CCDC187: variants seen among roughly 807,000 people sequenced by gnomAD.
The protein encoded by CCDC187 is coiled-coil domain-containing protein 187.
A neutral mutation model predicts 38.0 loss-of-function variants in CCDC187; 32 were observed. The ratio of observed to expected loss-of-function variants is 0.84; its 90% confidence interval spans 0.64 to 1.13. CCDC187 has a LOEUF of 1.13. CCDC187 is among the 50% of genes most tolerant of loss of function. CCDC187 has a pLI of 0.00. For synonymous variants in CCDC187, 333 were observed against 347.9 expected (o/e 0.96, Z 0.48); for missense variants, 707 against 786.8 (o/e 0.90, Z 1.21).
At chr9:136,275,119 G>A (rs1311770064) in intron 12 of CCDC187, 112 bp from the exon 13 acceptor site, 2 of 152,270 alleles carry the variant, frequency 1.3e-5, no homozygotes, top group African/African-American at 4.8e-5. Flanking sequence ...GCCTGAAGCT[G>A]GGCAAGTCTC....
chr9:136,285,819 A>G, intron 8 of CCDC187: 1 of 397,080 alleles, frequency 2.5e-6, no homozygotes, highest in Non-Finnish European at 4.4e-6. Context: ...CTGGCCAGAG[A>G]ACAAGACAGG....
chr9:136,260,190 C>T lies in CCDC187; in HGVS notation c.4139G>A (p.Arg1380Lys), dbSNP rs1830664201. The T allele has an allele frequency of 1.0e-6, 1 of 985,468 alleles. No homozygotes were observed. The highest frequency in any genetic ancestry group is 1.7e-5 in the African/African-American group (1 of 57,174). The allele number at this position is 985,468 out of a possible 1,614,324, so 61.0% of individuals were successfully genotyped here. Residue 1380 changes from arginine to lysine, a missense_variant, in exon 20 of 26, where the codon AGG becomes AAG. Arg to Lys is a conservative substitution (Grantham distance 26). Transcript: ENST00000638797. Reference protein sequence around the residue: ...SDADGHQQPPRPAWGEDTHDP... With the variant: ...SDADGHQQPPKPAWGEDTHDP... ...GTGTGTGTCCTCGCCCCATGCTGGC[C>T]TCGGAGGCTGCTGGTGACCATCTGC... is the stretch of plus-strand genomic sequence containing the variant.
At chr9:136,279,603 T>C (rs1831000849) in intron 10 of CCDC187, among the ~76,000 whole-genome samples, 2 of 152,342 alleles carry the variant, frequency 1.3e-5, no homozygotes, top group Admixed American at 6.5e-5. Context: ...AGCCAGCCCC[T>C]GCCCATCCAG....
intron 18 of CCDC187, among the ~76,000 whole-genome samples, chr9:136,263,093 C>T (rs1554761190): frequency 6.6e-6 from 1 of 151,868 alleles, no homozygotes; most frequent in Non-Finnish European, 1.5e-5. Flanking sequence ...TCCACCGCTG[C>T]CCCCACCTGA....
chr9:136,252,738 G>A lies in CCDC187; in HGVS notation c.*856C>T, dbSNP rs771792764. The A allele has an allele frequency of 2.0e-5, 3 of 153,102 alleles. No homozygotes were observed. The highest frequency in any genetic ancestry group is 7.2e-5 in the African/African-American group (3 of 41,466). The allele number at this position is 153,102 out of a possible 1,614,324, so 9.5% of individuals were successfully genotyped here. ...CTGCACCTGGGGGCCTGTGTGGAGA[G>A]AGCTGCTAAGGAGTCACGCAGGACC... On this transcript the variant is annotated 3_prime_UTR_variant, in exon 26 of 26. Coordinates refer to ENST00000638797, the MANE Select transcript of CCDC187 (RefSeq NM_001378188.1).
chr9:136,266,828 A>T (rs1554761683), intron 16 of CCDC187: 1 of 152,070 alleles, frequency 6.6e-6, no homozygotes, highest in Non-Finnish European at 1.5e-5. Flanking sequence ...CTCGCCTGTA[A>T]TCCCAGCACT....
rs1038629830 is a variant in CCDC187 at position 136,303,225 on chromosome 9, T to C, written c.212A>G (p.Asp71Gly). The part of the protein sequence containing the change: ...LRWPGPSQQP[D>G]PPWAAPHVVG... ...CACGTGGGGAGCTGCCCAGGGTGGG[T>C]CTGGCTGCTGGGAGGGCCCGGGCCA... The change falls in exon 2 of 26, where the codon GAC (aspartate) becomes GGC (glycine). Residue 71 changes from aspartate (D) to glycine (G), a missense_variant. Asp to Gly is a moderately conservative substitution (Grantham distance 94, BLOSUM62 -1). Coordinates refer to ENST00000638797, the MANE Select transcript of CCDC187 (RefSeq NM_001378188.1). 9 of 398,334 alleles carry C rather than the reference T, an allele frequency of 2.3e-5. No homozygotes were observed. The highest frequency in any genetic ancestry group is 4.0e-5 in the Non-Finnish European group (9 of 226,048). 24.7% of individuals were successfully genotyped at this position (398,334 alleles called of 1,614,324 possible). A position where few individuals can be genotyped will look rare whatever the true frequency, so the allele number is the denominator to read the frequency against.
chr9:136,279,037 C>T (rs1490163393), intron 10 of CCDC187, among the ~76,000 whole-genome samples: 2 of 152,292 alleles, frequency 1.3e-5, no homozygotes, highest in East Asian at 3.9e-4. Flanking sequence ...CAGTTCTGGT[C>T]TAGGTGTTTA....
At chr9:136,263,863 A>C in intron 17 of CCDC187, 65 bp from the exon 18 acceptor site, 6 of 961,718 alleles carry the variant, frequency 6.2e-6, no homozygotes, top group Non-Finnish European at 7.4e-6. Context: ...AGGCCAACAA[A>C]AGGGAAGGGG....
chr9:136,254,100 C>T lies in CCDC187; in HGVS notation c.5728G>A (p.Gly1910Ser). The T allele has an allele frequency of 2.0e-6, 2 of 985,484 alleles. No homozygotes were observed. The highest frequency in any genetic ancestry group is 2.4e-6 in the Non-Finnish European group (2 of 829,982). The allele number at this position is 985,484 out of a possible 1,614,324, so 61.0% of individuals were successfully genotyped here. A position where few individuals can be genotyped will look rare whatever the true frequency, so the allele number is the denominator to read the frequency against. ...GCATCCCGGGTTCCCTCCTGGTAGCCAGAAGTCTCTCCTCCTTTGCCGAAA... is the reference window on the plus strand; with the variant it reads ...GCATCCCGGGTTCCCTCCTGGTAGCTAGAAGTCTCTCCTCCTTTGCCGAAA... ...ADFGKGGETSGYQEGTRDADP... is the reference protein window; with the variant it reads ...ADFGKGGETSSYQEGTRDADP... Residue 1910 changes from glycine (G) to serine (S), a missense_variant, in exon 26 of 26, where the codon GGC becomes AGC. Coordinates refer to ENST00000638797, the MANE Select transcript of CCDC187 (RefSeq NM_001378188.1).
At chr9:136,274,454 T>G (rs1830892956) in intron 14 of CCDC187, among the ~76,000 whole-genome samples, 1 of 152,238 alleles carries the variant, frequency 6.6e-6, no homozygotes, top group Non-Finnish European at 1.5e-5. Flanking sequence ...GGGCTAGGGC[T>G]GCCCGAGGGT....
chr9:136,302,111 G>C, intron 2 of CCDC187, among the ~76,000 whole-genome samples: 1 of 152,040 alleles, frequency 6.6e-6, no homozygotes, highest in East Asian at 1.9e-4. Context: ...TCGGGAGGCT[G>C]AGGCAGGAGA....
chr9:136,272,717 AAC>A (rs1335151722), intron 14 of CCDC187, among the ~76,000 whole-genome samples: 2 of 151,842 alleles, frequency 1.3e-5, no homozygotes, highest in Non-Finnish European at 2.9e-5. Context: ...AAAAAAAAAA[AAC>A]AAAAACTAGC....
rs782646748 is a variant in CCDC187, at chr9:136,254,185, G to T, written c.5643C>A (p.Ala1881=). ...GVVFPLQISS[A]GDSDSLLVFP... The stretch of plus-strand genomic sequence containing the variant: ...AGACCAGCAGTGAGTCCGAGTCACC[G>T]GCAGAAGAGATTTGCAGCGGGAACA... Residue 1881 remains alanine (A), a synonymous_variant, in exon 26 of 26, where the codon GCC becomes GCA. Transcript: ENST00000638797. 11 of 985,380 alleles carry T rather than the reference G, an allele frequency of 1.1e-5. No homozygotes were observed. In the East Asian group the frequency reaches 1.2e-3, roughly 112 times the overall value. 61.0% of individuals were successfully genotyped at this position (985,380 alleles called of 1,614,324 possible). A position where few individuals can be genotyped will look rare whatever the true frequency, so the allele number is the denominator to read the frequency against.
intron 14 of CCDC187, among the ~76,000 whole-genome samples, chr9:136,271,606 CTT>C (rs1272090795): frequency 4.7e-4 from 61 of 131,116 alleles, no homozygotes; most frequent in Admixed American, 9.0e-4. Context: ...AAGAGAAAGT[CTT>C]TTTTTTTTTT....
chr9:136,281,313 C>T (rs1053180778), intron 10 of CCDC187: 2 of 397,586 alleles, frequency 5.0e-6, no homozygotes, highest in African/African-American at 4.1e-5. Flanking sequence ...ATGAAATAAG[C>T]ACGTGGGTCT....
intron 14 of CCDC187, among the ~76,000 whole-genome samples, chr9:136,270,088 A>G (rs1554762167): frequency 6.6e-6 from 1 of 152,262 alleles, no homozygotes; most frequent in Non-Finnish European, 1.5e-5. Context: ...GAGCTTCAGT[A>G]AGCTCACAAC....
In CCDC187 at chr9:136,303,273, T is replaced by TCAGCTG. The variant is rs1369738585; in HGVS notation, c.158_163dup (p.Ala53_Ala54dup). ...CCACCTCAGGGCTGCCACGTCATCC[T>TCAGCTG]CAGCTGCAGGTGCGCAGAGCCTGGG... is the stretch of plus-strand genomic sequence containing the variant. On this transcript the variant is annotated inframe_insertion, in exon 2 of 26. Transcript: ENST00000638797. The TCAGCTG allele has an allele frequency of 2.5e-6, 1 of 397,676 alleles. No individual in the cohort carries two copies. Among genetic ancestry groups the TCAGCTG allele is most frequent in the Admixed American group, 4.4e-5 (1 of 22,722 alleles). 24.6% of individuals were successfully genotyped at this position (397,676 alleles called of 1,614,324 possible).
At position 136,254,434 on chromosome 9, in the gene CCDC187, CTCCACGCCGCT is replaced by C. The variant is rs1830587796; in HGVS notation, c.5383_5393del (p.Ser1795AlafsTer70). 1.4e-5 allele frequency: 14 copies of C among 985,344 alleles called. No homozygotes were observed. Among genetic ancestry groups the C allele is most frequent in the Middle Eastern group, 5.2e-4 (1 of 1,914 alleles). The allele number at this position is 985,344 out of a possible 1,614,324, so 61.0% of individuals were successfully genotyped here. Reference sequence around the variant, plus strand: ...GTGGGGAGGGAGGAGCCACCTGGGGCTCCACGCCGCTTCCAAGGCCCAGTGAGCCACCTGCA... The same window carrying C: ...GTGGGGAGGGAGGAGCCACCTGGGGCTCCAAGGCCCAGTGAGCCACCTGCA... On this transcript the variant is annotated frameshift_variant, in exon 26 of 26. Transcript: ENST00000638797. LOFTEE classifies it low-confidence loss of function (END_TRUNC).
Sources: gnomAD v4.1 joint callset for allele counts (sites outside exome capture counted in the v4.1 genomes callset) on GRCh38, gnomAD v4.1.1 for gene constraint, MANE v1.5 for transcripts, NCBI Gene and HGNC (gene_info 2026-07-23, HGNC 2026-07-21) for gene names.